The following JPH2 variants were observed in gnomAD, a reference collection of about 807,000 sequenced individuals.
JPH2 encodes the protein junctophilin-2.
Under a neutral mutation model 55.9 loss-of-function variants are expected in JPH2, and 38 were observed. The observed-to-expected ratio is 0.68, with a 90% CI of 0.52 to 0.89. The LOEUF is 0.89. Ranked by LOEUF, JPH2 falls within the 40% of genes least tolerant of loss-of-function variation. The pLI is 0.00. For synonymous variants in JPH2, 480 were observed against 472.4 expected (o/e 1.02, Z -0.21); for missense variants, 964 against 1,037.6 (o/e 0.93, Z 0.97).
In JPH2 at chr20:44,106,886, C is replaced by T. The variant is rs2072112263; in HGVS notation, c.*6632G>A. On this transcript the variant is annotated 3_prime_UTR_variant, in exon 6 of 6. Transcript: ENST00000372980. ...AGATTTGGGTGAGAACACAGCCAAA[C>T]CATATCACCCAGTAACAGAGCAAGG... 6.6e-6 allele frequency among the ~76,000 whole-genome samples: 1 copy of T among 152,092 alleles called. No individual in the cohort carries two copies. Among genetic ancestry groups the T allele is most frequent in the East Asian group, 1.9e-4 (1 of 5,190 alleles).
intron 1 of JPH2, among the ~76,000 whole-genome samples, chr20:44,170,895 G>C (rs146805553): frequency 3.3e-5 from 5 of 152,336 alleles, no homozygotes; most frequent in African/African-American, 4.8e-5. Context: ...TGACTCTCAT[G>C]ATGACGCACT....
At chr20:44,180,146 A>G (rs1405178628) in intron 1 of JPH2, among the ~76,000 whole-genome samples, 1 of 152,210 alleles carries the variant, frequency 6.6e-6, no homozygotes, top group Non-Finnish European at 1.5e-5. Context: ...TGAATCCAGG[A>G]GGCAGAGGTT....
intron 2 of JPH2, among the ~76,000 whole-genome samples, chr20:44,129,376 G>A (rs945633640): frequency 8.5e-5 from 13 of 152,202 alleles, no homozygotes; most frequent in Admixed American, 8.5e-4. Flanking sequence ...CCAACATGGT[G>A]AAACTTCGTC....
At chr20:44,153,412 T>A (rs1184638623) in intron 2 of JPH2, among the ~76,000 whole-genome samples, 1 of 152,166 alleles carries the variant, frequency 6.6e-6, no homozygotes, top group South Asian at 2.1e-4. Flanking sequence ...CCTAGGTCCA[T>A]CCAATGCCAC....
intron 1 of JPH2, among the ~76,000 whole-genome samples, chr20:44,173,773 G>C (rs1430610881): frequency 1.3e-5 from 2 of 152,128 alleles, no homozygotes; most frequent in Non-Finnish European, 2.9e-5. Context: ...AATTAGCCTG[G>C]CGTGGTGGCG....
chr20:44,129,512 G>A (rs143869681), intron 2 of JPH2, among the ~76,000 whole-genome samples: 237 of 140,436 alleles, frequency 1.7e-3, no homozygotes, highest in African/African-American at 5.9e-3. Context: ...CCGAGATTGC[G>A]CCACTGCACT....
intron 1 of JPH2, among the ~76,000 whole-genome samples, chr20:44,176,318 C>A (rs7273988): frequency 3.0e-4 from 34 of 113,666 alleles, no homozygotes; most frequent in East Asian, 5.9e-4. Flanking sequence ...TCCTATCTGT[C>A]TTTTTTTTTT....
In JPH2 at chr20:44,114,893, G is replaced by A. The variant is rs375414020; in HGVS notation, c.2011-17C>T. On this transcript the variant is annotated splice_polypyrimidine_tract_variant and intron_variant, in intron 4 of 5. Transcript: ENST00000372980. ...GTTGGGGACCTGGGAGCAGTGGAGA[G>A]AGGCTTCCTGAGTCCCCATGGCCTC... 7.3e-5 allele frequency: 115 copies of A among 1,581,108 alleles called. No individual in the cohort carries two copies. In the African/African-American group the frequency reaches 1.3e-3, roughly 18 times the overall value.
At position 44,116,009 on chromosome 20, in the gene JPH2, G is replaced by GCGA; in HGVS notation, c.1663_1665dup (p.Ser555dup). ...TGGTAAAGCGCCACCTCCGGCTCCC[G>GCGA]CGACGGCGCAGGCGGTGCCTGCAGA... On this transcript the variant is annotated inframe_insertion, in exon 4 of 6. Transcript: ENST00000372980. The GCGA allele has an allele frequency of 1.3e-6, 2 of 1,581,036 alleles. No homozygotes were observed. The highest frequency in any genetic ancestry group is 2.3e-5 in the South Asian group (2 of 88,846).
At chr20:44,143,147 G>A (rs940140479) in intron 2 of JPH2, among the ~76,000 whole-genome samples, 4 of 152,170 alleles carry the variant, frequency 2.6e-5, no homozygotes, top group African/African-American at 4.8e-5. Flanking sequence ...GAAAGAGAAC[G>A]GCCCTTTGAA....
intron 1 of JPH2, among the ~76,000 whole-genome samples, chr20:44,170,925 T>C (rs1164267864): frequency 1.3e-5 from 2 of 152,242 alleles, no homozygotes; most frequent in Non-Finnish European, 2.9e-5. Context: ...CTTAATTCTC[T>C]TGGTCTCCAC....
chr20:44,115,794 G>A lies in JPH2; in HGVS notation c.1881C>T (p.Ile627=), dbSNP rs1216679651. 1 of 1,609,022 alleles carries A rather than the reference G, an allele frequency of 6.2e-7. No homozygotes were observed. Among genetic ancestry groups the A allele is most frequent in the Non-Finnish European group, 8.5e-7 (1 of 1,179,820 alleles). Residue 627 remains isoleucine, a synonymous_variant, in exon 4 of 6, where the codon ATC becomes ATT. Transcript: ENST00000372980. Reference sequence around the variant, plus strand: ...TGGCCCTGGGCTCGGCTTTGGGGATGATGGGCTTGGGCTCCAGCTTGGCGG... The same window carrying A: ...TGGCCCTGGGCTCGGCTTTGGGGATAATGGGCTTGGGCTCCAGCTTGGCGG... ...ETPAKLEPKP[I]IPKAEPRAKA...
chr20:44,165,259 GTAAA>G (rs138687261), intron 1 of JPH2, among the ~76,000 whole-genome samples: 1,760 of 150,152 alleles, frequency 0.012, 21 homozygotes, highest in South Asian at 0.022. Flanking sequence ...TTTTTGTAAT[GTAAA>G]TAAATAAATT....
rs2072140508 is a variant in JPH2, at chr20:44,111,141, C to T, written c.*2377G>A. ...TGGAATGTGGCGATCCCCTCAGGCTCCCCCACTGATTGAGATATTCTGACT... is the reference window on the plus strand; with the variant it reads ...TGGAATGTGGCGATCCCCTCAGGCTTCCCCACTGATTGAGATATTCTGACT... On this transcript the variant is annotated 3_prime_UTR_variant, in exon 6 of 6. Coordinates refer to ENST00000372980, the MANE Select transcript of JPH2 (RefSeq NM_020433.5). Among the ~76,000 whole-genome samples, 1 of 152,168 alleles carries T rather than the reference C, an allele frequency of 6.6e-6. No homozygotes were observed. The highest frequency in any genetic ancestry group is 2.4e-5 in the African/African-American group (1 of 41,438).
At chr20:44,179,807 TG>T (rs2072765515) in intron 1 of JPH2, among the ~76,000 whole-genome samples, 1 of 152,236 alleles carries the variant, frequency 6.6e-6, no homozygotes, top group Non-Finnish European at 1.5e-5. Context: ...ATTGCATCTC[TG>T]CTTCTTATTA....
intron 1 of JPH2, among the ~76,000 whole-genome samples, chr20:44,175,707 C>T (rs1053098586): frequency 5.3e-5 from 8 of 152,332 alleles, no homozygotes; most frequent in Admixed American, 5.2e-4. Flanking sequence ...CCGTGGCTCA[C>T]CCCCAGAAGC....
chr20:44,143,883 T>A (rs1295073549), intron 2 of JPH2, among the ~76,000 whole-genome samples: 2 of 152,040 alleles, frequency 1.3e-5, no homozygotes, highest in Non-Finnish European at 2.9e-5. Flanking sequence ...GAGGAGCTGG[T>A]GGCCGGCACT....
At chr20:44,121,883 C>T (rs2072239929) in intron 2 of JPH2, among the ~76,000 whole-genome samples, 1 of 151,984 alleles carries the variant, frequency 6.6e-6, no homozygotes, top group South Asian at 2.1e-4. Flanking sequence ...GTCCCAGCTA[C>T]TCAGGAGGCT....
At chr20:44,113,910 G>A (rs1472707485) in intron 5 of JPH2, among the ~76,000 whole-genome samples, 1 of 152,176 alleles carries the variant, frequency 6.6e-6, no homozygotes, top group African/African-American at 2.4e-5. Flanking sequence ...CACTTACCAG[G>A]CTGGTATTGT....
Sources: allele counts gnomAD v4.1 joint callset (sites outside exome capture counted in the v4.1 genomes callset), GRCh38; gene constraint gnomAD v4.1.1; transcripts MANE v1.5; gene names NCBI Gene and HGNC (gene_info 2026-07-23, HGNC 2026-07-21).